Variants in GRB14 observed in about 807,000 individuals in gnomAD.
The protein encoded by GRB14 is growth factor receptor bound protein 14.
In GRB14, 38 loss-of-function variants were observed where a neutral mutation model predicts 69.1. The ratio of observed to expected loss-of-function variants is 0.55; its 90% CI spans 0.42 to 0.72. GRB14 has a LOEUF of 0.72. Among genes scored for constraint, GRB14 ranks in the 30% least tolerant of loss-of-function variants. The probability of loss-of-function intolerance (pLI) is 0.00; values close to 1 mark genes in which losing one functional copy is unlikely to be tolerated. For synonymous variants in GRB14, 247 were observed against 241.3 expected (o/e 1.02, Z -0.22); for missense variants, 666 against 666.1 (o/e 1.00, Z 0.00).
intron 3 of GRB14, among the ~76,000 whole-genome samples, chr2:164,542,860 T>A (rs1288158143): frequency 6.6e-6 from 1 of 152,162 alleles, no homozygotes; most frequent in Non-Finnish European, 1.5e-5. Context: ...AAAAAAGAAC[T>A]ATCATCCAAC....
chr2:164,530,622 G>A (rs1005138260), intron 3 of GRB14, among the ~76,000 whole-genome samples: 1 of 152,014 alleles, frequency 6.6e-6, no homozygotes, highest in Non-Finnish European at 1.5e-5. Flanking sequence ...AGCAGATAGA[G>A]AGGAGAAGCA....
chr2:164,530,656 G>A (rs536447041), intron 3 of GRB14, among the ~76,000 whole-genome samples: 1 of 152,228 alleles, frequency 6.6e-6, no homozygotes, highest in Non-Finnish European at 1.5e-5. Flanking sequence ...CTTGAGGTGA[G>A]AGAAAGGCTG....
intron 2 of GRB14, among the ~76,000 whole-genome samples, chr2:164,578,006 G>GGGCAGATC (rs1689293729): frequency 6.6e-6 from 1 of 152,100 alleles, no homozygotes; most frequent in South Asian, 2.1e-4. Flanking sequence ...AGGTGGAGGC[G>GGGCAGATC]GGCAGATCAC....
At chr2:164,571,025 G>A (rs949154170) in intron 2 of GRB14, among the ~76,000 whole-genome samples, 19 of 152,130 alleles carry the variant, frequency 1.2e-4, no homozygotes, top group East Asian at 1.9e-4. Context: ...GAAGCTTACC[G>A]ATACTTTTCA....
At chr2:164,515,422 C>T (rs553944885) in intron 6 of GRB14, among the ~76,000 whole-genome samples, 3 of 152,306 alleles carry the variant, frequency 2.0e-5, no homozygotes, top group Admixed American at 1.3e-4. Context: ...CAGCCCAGGG[C>T]CCGGGAGCTC....
intron 6 of GRB14, among the ~76,000 whole-genome samples, chr2:164,509,387 A>G (rs1330862274): frequency 6.6e-6 from 1 of 152,244 alleles, no homozygotes; most frequent in East Asian, 1.9e-4. Flanking sequence ...AAGGAAAGAA[A>G]GAAAGTCTGT....
chr2:164,511,976 G>A (rs1687351310), intron 6 of GRB14, among the ~76,000 whole-genome samples: 1 of 152,022 alleles, frequency 6.6e-6, no homozygotes, highest in South Asian at 2.1e-4. Context: ...GGCCTTAGAT[G>A]AACATCAGCA....
At chr2:164,503,553 TTC>T (rs1687120486) in intron 8 of GRB14, among the ~76,000 whole-genome samples, 1 of 151,348 alleles carries the variant, frequency 6.6e-6, no homozygotes, top group Non-Finnish European at 1.5e-5. Context: ...TCATTTAAAA[TTC>T]TCTGTGTTGA....
chr2:164,554,441 G>GA (rs1688626432), intron 2 of GRB14, among the ~76,000 whole-genome samples: 1 of 152,122 alleles, frequency 6.6e-6, no homozygotes, highest in South Asian at 2.1e-4. Flanking sequence ...AGAATAGGAA[G>GA]AAATTTTGTT....
At chr2:164,563,627 T>C (rs1193363361) in intron 2 of GRB14, among the ~76,000 whole-genome samples, 1 of 152,180 alleles carries the variant, frequency 6.6e-6, no homozygotes, top group East Asian at 1.9e-4. Flanking sequence ...GAAGAAATAA[T>C]AGAAAGCGAG....
chr2:164,508,446 C>G lies in GRB14; in HGVS notation c.1023+9G>C, dbSNP rs572166040. ...AGTTAATAGAAATTCATGCCTCCGGCGAGATTACCTTAAGCAATCTAATCG... is the reference window on the plus strand; with the variant it reads ...AGTTAATAGAAATTCATGCCTCCGGGGAGATTACCTTAAGCAATCTAATCG... On this transcript the variant is annotated intron_variant, in intron 8 of 13. Transcript: ENST00000263915. 1 of 1,607,040 alleles carries G rather than the reference C, an allele frequency of 6.2e-7. No homozygotes were observed. Among genetic ancestry groups the G allele is most frequent in the South Asian group, 1.1e-5 (1 of 90,900 alleles).
chr2:164,563,635 G>A (rs772925733), intron 2 of GRB14, among the ~76,000 whole-genome samples: 32 of 152,164 alleles, frequency 2.1e-4, no homozygotes, highest in Non-Finnish European at 5.9e-5. Flanking sequence ...AATAGAAAGC[G>A]AGAAGGAGTT....
intron 3 of GRB14, among the ~76,000 whole-genome samples, chr2:164,540,536 G>C (rs563493892): frequency 9.2e-5 from 14 of 152,218 alleles, no homozygotes; most frequent in Non-Finnish European, 1.5e-4. Flanking sequence ...TTGAACCTGG[G>C]GGGTGGAGGT....
chr2:164,555,683 A>T (rs1432923293), intron 2 of GRB14, among the ~76,000 whole-genome samples: 1 of 150,426 alleles, frequency 6.6e-6, no homozygotes, highest in East Asian at 1.9e-4. Flanking sequence ...TGACCTTAGC[A>T]TGATGAGACA....
rs1690448361 is a variant in GRB14, at chr2:164,621,099, C to A, written c.191+20G>T. The A allele has an allele frequency of 8.0e-7, 1 of 1,245,922 alleles. No homozygotes were observed. The highest frequency in any genetic ancestry group is 1.0e-6 in the Non-Finnish European group (1 of 988,274). 77.2% of individuals were successfully genotyped at this position (1,245,922 alleles called of 1,614,324 possible). A position where few individuals can be genotyped will look rare whatever the true frequency, so the allele number is the denominator to read the frequency against. On this transcript the variant is annotated intron_variant, in intron 1 of 13. Transcript: ENST00000263915. The surrounding 1 kb of genome is among the most constrained non-coding windows in gnomAD (Gnocchi z 6.0). ...GCTGCCCAGCCAGGACACTCCCCCG[C>A]GCCCTCCAGGGTTGCCTACCTGTCT...
At chr2:164,600,851 C>T (rs1689897623) in intron 2 of GRB14, among the ~76,000 whole-genome samples, 1 of 152,000 alleles carries the variant, frequency 6.6e-6, no homozygotes, top group African/African-American at 2.4e-5. Flanking sequence ...ATTCTCTGCA[C>T]TGATATTTAT....
At chr2:164,568,109 A>G (rs554362585) in intron 2 of GRB14, among the ~76,000 whole-genome samples, 24 of 152,328 alleles carry the variant, frequency 1.6e-4, no homozygotes, top group Non-Finnish European at 2.4e-4. Context: ...GAAAGTTTTT[A>G]ACTATAGCGA....
intron 3 of GRB14, among the ~76,000 whole-genome samples, chr2:164,545,022 G>A (rs1688336766): frequency 6.6e-6 from 1 of 152,084 alleles, no homozygotes; most frequent in African/African-American, 2.4e-5. Flanking sequence ...CCTTTCATTG[G>A]CACATTGCTC....
At chr2:164,566,206 T>C (rs1559053969) in intron 2 of GRB14, among the ~76,000 whole-genome samples, 1 of 152,116 alleles carries the variant, frequency 6.6e-6, no homozygotes, top group African/African-American at 2.4e-5. Context: ...AATAAATTAA[T>C]TACAAGTATG....
Sources: allele counts gnomAD v4.1 joint callset (sites outside exome capture counted in the v4.1 genomes callset), GRCh38; gene constraint gnomAD v4.1.1; non-coding constraint Gnocchi (gnomAD v3.1); transcripts MANE v1.5; gene names NCBI Gene and HGNC (gene_info 2026-07-23, HGNC 2026-07-21).